The following ANK2 variants were observed in gnomAD, a reference collection of about 807,000 sequenced individuals.
ANK2 encodes ankyrin 2, also known as ankyrin-2.
In ANK2, 83 loss-of-function variants were observed where a neutral mutation model predicts 360.5. The ratio of observed to expected loss-of-function variants is 0.23; its 90% CI spans 0.19 to 0.28. The LOEUF is 0.28. Among genes scored for constraint, ANK2 ranks in the 10% least tolerant of loss-of-function variants. The probability of loss-of-function intolerance (pLI) is 1.00; values close to 1 mark genes in which losing one functional copy is unlikely to be tolerated. For missense variants in ANK2, 4,201 were observed against 4,795.7 expected, an observed-to-expected ratio of 0.88 and a Z score of 3.66; for synonymous variants, 1,740 against 1,759.5, an observed-to-expected ratio of 0.99 and a Z score of 0.28.
At chr4:113,128,307 G>A (rs2095794963) in intron 1 of ANK2, among the ~76,000 whole-genome samples, 1 of 152,224 alleles carries the variant, frequency 6.6e-6, no homozygotes, top group Non-Finnish European at 1.5e-5. Flanking sequence ...AAATGCACAC[G>A]TATACGAAAC....
At chr4:112,929,510 G>T (rs924077594) in intron 2 of ANK2, among the ~76,000 whole-genome samples, 2 of 152,188 alleles carry the variant, frequency 1.3e-5, no homozygotes, top group African/African-American at 4.8e-5. Flanking sequence ...CATCCATTTT[G>T]AGGATTCATT....
chr4:113,247,161 G>GAAAAA (rs780555782), intron 9 of ANK2, among the ~76,000 whole-genome samples: 4 of 121,498 alleles, frequency 3.3e-5, no homozygotes, highest in African/African-American at 1.2e-4. Flanking sequence ...TGATTCTAGA[G>GAAAAA]AAAAAAAAAA....
chr4:112,840,823 T>G (rs1432282213), intron 1 of ANK2, among the ~76,000 whole-genome samples: 1 of 152,154 alleles, frequency 6.6e-6, no homozygotes, highest in Non-Finnish European at 1.5e-5. Context: ...AGTCACACAG[T>G]ATAAGCCAGG....
intron 1 of ANK2, among the ~76,000 whole-genome samples, chr4:112,827,820 CCTAT>C (rs1417994519): frequency 2.2e-4 from 33 of 152,226 alleles, no homozygotes; most frequent in African/African-American, 3.9e-4. Context: ...CAACACTATT[CCTAT>C]CTAAGTGACA....
chr4:113,298,834 T>C (rs2073370007), intron 22 of ANK2, among the ~76,000 whole-genome samples: 1 of 152,202 alleles, frequency 6.6e-6, no homozygotes, highest in African/African-American at 2.4e-5. Flanking sequence ...CATAAAACCA[T>C]GTTTATGTTT....
intron 1 of ANK2, among the ~76,000 whole-genome samples, chr4:112,842,477 C>A (rs989461963): frequency 2.6e-5 from 4 of 152,192 alleles, no homozygotes; most frequent in Non-Finnish European, 4.4e-5. Flanking sequence ...GGACGGGTTT[C>A]ATGGAAGACA....
chr4:113,219,586 T>C (rs2099126778), intron 4 of ANK2, among the ~76,000 whole-genome samples: 1 of 152,128 alleles, frequency 6.6e-6, no homozygotes, highest in Non-Finnish European at 1.5e-5. Flanking sequence ...TTTTAAAATC[T>C]CATCACTTGC....
intron 2 of ANK2, among the ~76,000 whole-genome samples, chr4:113,174,893 C>T (rs999845687): frequency 3.3e-5 from 5 of 151,978 alleles, no homozygotes; most frequent in Non-Finnish European, 7.4e-5. Context: ...CTGATTATTA[C>T]AATTTAGTAT....
At chr4:113,086,227 A>G (rs547816846) in intron 1 of ANK2, among the ~76,000 whole-genome samples, 1 of 152,332 alleles carries the variant, frequency 6.6e-6, no homozygotes, top group East Asian at 1.9e-4. Flanking sequence ...TTTAAATGTA[A>G]CTGTCTCAGA....
chr4:113,168,688 G>A (rs2097842007), intron 1 of ANK2, among the ~76,000 whole-genome samples: 1 of 152,184 alleles, frequency 6.6e-6, no homozygotes, highest in Admixed American at 6.5e-5. Flanking sequence ...TATGTGTTCT[G>A]ACTGCAAGAA....
intron 1 of ANK2, among the ~76,000 whole-genome samples, chr4:113,157,294 C>A (rs1380831969): frequency 6.6e-6 from 1 of 152,128 alleles, no homozygotes; most frequent in African/African-American, 2.4e-5. Context: ...AGGTTTAAAT[C>A]CCACTCAGGG....
At chr4:112,728,550 A>G in the ANK2 span, among the ~76,000 whole-genome samples, 1 of 151,964 alleles carries the variant, frequency 6.6e-6, no homozygotes, top group Non-Finnish European at 1.5e-5. Flanking sequence ...CAGGAGTTCA[A>G]GATCAGCCTG....
intron 2 of ANK2, among the ~76,000 whole-genome samples, chr4:113,183,287 G>A (rs75472989): frequency 0.03 from 4,557 of 152,218 alleles, 231 homozygotes; most frequent in African/African-American, 0.1. Flanking sequence ...AGAGATAGCA[G>A]TTGAGGGTAA....
Position 113,354,305 on chromosome 4 carries a change from C to T in ANK2, c.5687C>T (p.Thr1896Ile). The T allele has an allele frequency of 3.7e-6, 6 of 1,614,114 alleles. No individual in the cohort carries two copies. Among genetic ancestry groups the T allele is most frequent in the Admixed American group, 1.7e-5 (1 of 60,016 alleles). Residue 1896 changes from threonine (T) to isoleucine (I), a missense_variant, in exon 38 of 46, where the codon ACA (threonine) becomes ATA (isoleucine). Transcript: ENST00000357077. ...GAAAGGCACTCTCCTGTGTCATCTA[C>T]AAAAACAGAAAGACACCCACCTGTT... ...KTERHSPVSS[T>I]KTERHPPVSP...
intron 1 of ANK2, among the ~76,000 whole-genome samples, chr4:112,878,882 C>T (rs929349302): frequency 5.3e-5 from 8 of 152,262 alleles, no homozygotes; most frequent in Admixed American, 5.2e-4. Flanking sequence ...CTCAGCCTCC[C>T]AAAATGCTGG....
At chr4:113,295,126 T>TACTTTGCTTCC (rs1374769199) in intron 22 of ANK2, among the ~76,000 whole-genome samples, 1 of 152,218 alleles carries the variant, frequency 6.6e-6, no homozygotes, top group Admixed American at 6.5e-5. Flanking sequence ...ATCTTGTACC[T>TACTTTGCTTCC]ACTTTGCTTC....
At chr4:112,915,118 C>A (rs146615341) in intron 2 of ANK2, among the ~76,000 whole-genome samples, 35 of 152,250 alleles carry the variant, frequency 2.3e-4, no homozygotes, top group African/African-American at 7.2e-4. Context: ...ATGAGTTCTA[C>A]TGAATTGAAC....
intron 45 of ANK2, chr4:113,374,949 AT>A: frequency 2.6e-6 from 3 of 1,132,600 alleles, no homozygotes; most frequent in Non-Finnish European, 2.2e-6. Context: ...TTGAAGAGGT[AT>A]AGAAGCATCA....
the ANK2 span, among the ~76,000 whole-genome samples, chr4:112,795,866 A>C: frequency 2.7e-5 from 4 of 148,438 alleles, no homozygotes; most frequent in African/African-American, 5.0e-5. Flanking sequence ...TGGTGTGATC[A>C]TGGCTCACTG....
Sources: gnomAD v4.1 joint callset for allele counts (sites outside exome capture counted in the v4.1 genomes callset) on GRCh38, gnomAD v4.1.1 for gene constraint, MANE v1.5 for transcripts, NCBI Gene and HGNC (gene_info 2026-07-23, HGNC 2026-07-21) for gene names.